Variants in SLC38A8 observed in about 807,000 individuals in gnomAD.
SLC38A8 encodes the protein solute carrier family 38 member 8.
Under a neutral mutation model 46.0 loss-of-function variants are expected in SLC38A8, and 65 were observed. The observed-to-expected ratio is 1.41, with a 90% confidence interval of 1.16 to 1.74. The LOEUF (loss-of-function observed/expected upper bound fraction) is 1.74. Among genes scored for constraint, SLC38A8 ranks in the 40% most tolerant of loss-of-function variants. The pLI is 0.00. For synonymous variants in SLC38A8, 447 were observed against 243.7 expected, an observed-to-expected ratio of 1.83 and a Z score of -7.77; for missense variants, 998 against 567.9, an observed-to-expected ratio of 1.76 and a Z score of -7.70.
intron 6 of SLC38A8, among the ~76,000 whole-genome samples, chr16:84,025,677 T>C (rs1447824909): frequency 6.6e-6 from 1 of 152,160 alleles, no homozygotes; most frequent in African/African-American, 2.4e-5. Context: ...CTGTCACTCA[T>C]GAGTCCTCCT....
chr16:84,037,719 C>T (rs1234799527), intron 2 of SLC38A8, among the ~76,000 whole-genome samples: 1 of 151,166 alleles, frequency 6.6e-6, no homozygotes, highest in Non-Finnish European at 1.5e-5. Flanking sequence ...CAAAATTGTA[C>T]CTCTGTACTC....
chr16:84,017,981 A>C (rs779938139), intron 7 of SLC38A8, among the ~76,000 whole-genome samples: 6 of 152,176 alleles, frequency 3.9e-5, no homozygotes, highest in Non-Finnish European at 8.8e-5. Context: ...CTGGGGAAGG[A>C]GTCACCCAGC....
chr16:84,018,647 A>G (rs571856317), intron 7 of SLC38A8, among the ~76,000 whole-genome samples: 1 of 152,250 alleles, frequency 6.6e-6, no homozygotes, highest in African/African-American at 2.4e-5. Flanking sequence ...TGGACCTAGA[A>G]ACTAAAATCA....
In SLC38A8 at chr16:84,022,741, C is replaced by T. The variant is rs780914769; in HGVS notation, c.805+34G>A. The T allele has an allele frequency of 2.6e-6, 4 of 1,561,276 alleles. No individual in the cohort carries two copies. The South Asian group carries it at 3.3e-5, about 13-fold the overall frequency. ...TACTCTTGTTTCTACTGTCACTCCC[C>T]ACCCTCTGCAGGGGTGCCTGGGAAG... On this transcript the variant is annotated intron_variant, in intron 7 of 10. Transcript: ENST00000299709.
chr16:84,012,894 C>G, intron 10 of SLC38A8, 107 bp downstream of exon 10: 2 of 1,252,080 alleles, frequency 1.6e-6, no homozygotes, highest in Admixed American at 3.9e-5. Flanking sequence ...AGGTTTCTCA[C>G]CTGCAGGATG....
At chr16:84,027,681 C>T (rs540773869) in intron 6 of SLC38A8, among the ~76,000 whole-genome samples, 18 of 152,346 alleles carry the variant, frequency 1.2e-4, no homozygotes, top group African/African-American at 3.6e-4. Context: ...AGCCCCTACT[C>T]CCACTCCTTC....
At chr16:84,039,333 T>C (rs1483325638) in intron 2 of SLC38A8, among the ~76,000 whole-genome samples, 1 of 152,204 alleles carries the variant, frequency 6.6e-6, no homozygotes, top group East Asian at 1.9e-4. Flanking sequence ...TTGAGGGATT[T>C]CTCCAATGTC....
intron 4 of SLC38A8, 131 bp from the exon 5 acceptor site, chr16:84,032,099 C>G: frequency 4.0e-6 from 3 of 741,524 alleles, no homozygotes; most frequent in Non-Finnish European, 6.9e-6. Flanking sequence ...CCACCTCTGC[C>G]TCACCATCCT....
intron 8 of SLC38A8, 81 bp downstream of exon 8, chr16:84,017,059 G>C (rs1223711203): frequency 6.4e-7 from 1 of 1,560,062 alleles, no homozygotes; most frequent in Admixed American, 1.8e-5. Flanking sequence ...CAGCCGCGTA[G>C]CCCACACCTG....
intron 9 of SLC38A8, 66 bp downstream of exon 9, chr16:84,016,453 G>A: frequency 6.4e-7 from 1 of 1,552,726 alleles, no homozygotes; most frequent in South Asian, 1.2e-5. Flanking sequence ...TCCAACACTG[G>A]GAGTCCCCAC....
intron 2 of SLC38A8, among the ~76,000 whole-genome samples, chr16:84,039,442 TC>T (rs1411854082): frequency 1.3e-5 from 2 of 152,210 alleles, no homozygotes; most frequent in East Asian, 3.9e-4. Flanking sequence ...TCATAAAACA[TC>T]TGTGGTTGAA....
intron 3 of SLC38A8, among the ~76,000 whole-genome samples, chr16:84,035,911 G>A (rs754123217): frequency 5.3e-5 from 8 of 152,170 alleles, no homozygotes; most frequent in Non-Finnish European, 8.8e-5. Flanking sequence ...TTGCAATGAC[G>A]ATCTGAACAC....
intron 10 of SLC38A8, among the ~76,000 whole-genome samples, chr16:84,010,749 G>C (rs1295688155): frequency 6.6e-6 from 1 of 152,058 alleles, no homozygotes; most frequent in Non-Finnish European, 1.5e-5. Flanking sequence ...ATCTCAAAAA[G>C]AGAAAAAGAC....
At chr16:84,016,991 A>G (rs1264171135) in intron 8 of SLC38A8, 149 bp downstream of exon 8, 1 of 1,198,960 alleles carries the variant, frequency 8.3e-7, no homozygotes, top group East Asian at 2.6e-5. Flanking sequence ...TGGGCAATCT[A>G]CCTAAATCCT....
rs867457421 is a variant in SLC38A8 at position 84,013,828 on chromosome 16, G to C, written c.1163-776C>G. Reference sequence around the variant, plus strand: ...CCTCTCTCAACTCAAACCTGTCCTGGGCAGTCCTTCCCACCACAGGAAATA... The same window carrying C: ...CCTCTCTCAACTCAAACCTGTCCTGCGCAGTCCTTCCCACCACAGGAAATA... On this transcript the variant is annotated intron_variant, in intron 9 of 10. Coordinates refer to ENST00000299709, the MANE Select transcript of SLC38A8 (RefSeq NM_001080442.3). 4.6e-5 allele frequency among the ~76,000 whole-genome samples: 7 copies of C among 152,060 alleles called. No homozygotes were observed. In the South Asian group the frequency reaches 8.3e-4, roughly 18 times the overall value.
At chr16:84,030,013 T>A (rs78189354) in intron 5 of SLC38A8, among the ~76,000 whole-genome samples, 1,802 of 152,314 alleles carry the variant, frequency 0.012, 15 homozygotes, top group Non-Finnish European at 0.019. Flanking sequence ...GATCCCCGCC[T>A]GGTTCACAGC....
chr16:84,031,692 C>T (rs941457784), intron 5 of SLC38A8, among the ~76,000 whole-genome samples, 175 bp downstream of exon 5: 1 of 145,636 alleles, frequency 6.9e-6, no homozygotes, highest in Non-Finnish European at 1.5e-5. Context: ...GTCCCTGCAG[C>T]AGAAGGAGAG....
At position 84,024,103 on chromosome 16, in the gene SLC38A8, C is replaced by A. The variant is rs2151119056; in HGVS notation, c.691-1214G>T. ...GACCTACTACATGCCAGTAACAGCC[C>A]CCCTCCCCCAAGTTGTGACAACCCA... On this transcript the variant is annotated intron_variant, in intron 6 of 10. Transcript: ENST00000299709. 2.0e-5 allele frequency among the ~76,000 whole-genome samples: 3 copies of A among 152,212 alleles called. No homozygotes were observed. In the South Asian group the frequency reaches 6.2e-4, roughly 32 times the overall value.
intron 10 of SLC38A8, among the ~76,000 whole-genome samples, chr16:84,010,368 G>A (rs934190920): frequency 7.9e-5 from 12 of 152,034 alleles, no homozygotes; most frequent in Admixed American, 5.9e-4. Flanking sequence ...ACCGTTGCTG[G>A]CCGCAAGCAG....
Sources: allele counts gnomAD v4.1 joint callset (sites outside exome capture counted in the v4.1 genomes callset), GRCh38; gene constraint gnomAD v4.1.1; transcripts MANE v1.5; gene names NCBI Gene and HGNC (gene_info 2026-07-23, HGNC 2026-07-21).